NFATC3: variants seen among roughly 807,000 people sequenced by gnomAD.
NFATC3 encodes nuclear factor of activated T cells 3.
In NFATC3, 46 loss-of-function variants were observed where a neutral mutation model predicts 98.6. The observed-to-expected ratio is 0.47, with a 90% CI of 0.37 to 0.60. The LOEUF is 0.60. NFATC3 is among the 20% of genes least tolerant of loss of function. The pLI is 0.00. For synonymous variants in NFATC3, 512 were observed against 472.2 expected, an observed-to-expected ratio of 1.08 and a Z score of -1.09; for missense variants, 1,256 against 1,295.5, an observed-to-expected ratio of 0.97 and a Z score of 0.47.
chr16:68,143,889 A>G (rs1598436565), intron 3 of NFATC3, among the ~76,000 whole-genome samples: 2 of 152,166 alleles, frequency 1.3e-5, no homozygotes, highest in African/African-American at 4.8e-5. Context: ...GCATAAAAGT[A>G]TAAAACTTTT....
intron 5 of NFATC3, among the ~76,000 whole-genome samples, chr16:68,172,804 T>G (rs1392573843): frequency 1.3e-5 from 2 of 152,024 alleles, no homozygotes; most frequent in African/African-American, 4.8e-5. Flanking sequence ...AAAACAACCG[T>G]TAGAGAACCT....
chr16:68,183,310 A>G lies in NFATC3; in HGVS notation c.2042A>G (p.Tyr681Cys), dbSNP rs1195831729. The G allele has an allele frequency of 2.5e-6, 4 of 1,613,540 alleles. No homozygotes were observed. The highest frequency in any genetic ancestry group is 3.4e-6 in the Non-Finnish European group (4 of 1,179,890). ...ACAGCTGCAGTGCAGGTGCACTTTT[A>G]TCTTTGCAATGGCAAGAGGAAAAAA... is the stretch of plus-strand genomic sequence containing the variant. ...AVTAAVQVHFYLCNGKRKKSQ... is the reference protein window; with the variant it reads ...AVTAAVQVHFCLCNGKRKKSQ... Residue 681 changes from tyrosine (Y) to cysteine (C), a missense_variant, in exon 8 of 10, where the codon TAT becomes TGT. Tyr to Cys is a radical substitution (Grantham distance 194, BLOSUM62 -2). This residue lies in a region of NFATC3 where 636 missense variants were observed against 617.3 expected (regional missense o/e 1.03). Transcript: ENST00000346183.
intron 2 of NFATC3, among the ~76,000 whole-genome samples, chr16:68,125,676 G>A (rs2036799059): frequency 6.6e-6 from 1 of 152,124 alleles, no homozygotes; most frequent in Non-Finnish European, 1.5e-5. Context: ...AGAGAGAGAT[G>A]TTTGGATATG....
chr16:68,130,999 A>C (rs1411678814), intron 3 of NFATC3, among the ~76,000 whole-genome samples: 1 of 151,968 alleles, frequency 6.6e-6, no homozygotes, highest in Admixed American at 6.6e-5. Context: ...CTGTCACATG[A>C]GTCTGTGTGT....
At chr16:68,174,700 G>T (rs191857881) in intron 6 of NFATC3, among the ~76,000 whole-genome samples, 186 bp downstream of exon 6, 1 of 152,092 alleles carries the variant, frequency 6.6e-6, no homozygotes, top group Non-Finnish European at 1.5e-5. Context: ...TATCTTTAAG[G>T]AGCTGGGCAT....
chr16:68,174,423 C>T lies in NFATC3; in HGVS notation c.1824C>T (p.Asn608=), dbSNP rs1272016937. The T allele has an allele frequency of 1.9e-6, 3 of 1,604,114 alleles. No homozygotes were observed. The South Asian group carries it at 3.4e-5, about 18-fold the overall frequency. The part of the protein sequence containing the change: ...ELPHIEKYSI[N]SCSVNGGHEM... ...CTCATATTGAGAAGTACAGTATCAA[C>T]AGTTGTTCTGTAAATGGAGGTCATG... The change falls in exon 6 of 10, where the codon AAC becomes AAT. Residue 608 remains asparagine (N), a synonymous_variant. Coordinates refer to ENST00000346183, the MANE Select transcript of NFATC3 (RefSeq NM_173165.3).
At chr16:68,154,447 TCTTAA>T (rs1181518890) in intron 3 of NFATC3, among the ~76,000 whole-genome samples, 5 of 152,348 alleles carry the variant, frequency 3.3e-5, no homozygotes, top group South Asian at 2.1e-4. Context: ...GCCTCAGCCC[TCTTAA>T]CTTGTTTCCA....
In NFATC3 at chr16:68,228,792, C is replaced by G. The variant is rs1057067164; in HGVS notation, c.*2321C>G. ...ACGTGCTAGTACGCACCCCCTCCTA[C>G]TCTAACTGTGCTAGCTCTTGGGTTG... On this transcript the variant is annotated 3_prime_UTR_variant, in exon 10 of 10. Coordinates refer to ENST00000346183, the MANE Select transcript of NFATC3 (RefSeq NM_173165.3). 1 of 152,626 alleles carries G rather than the reference C, an allele frequency of 6.6e-6. No individual in the cohort carries two copies. The highest frequency in any genetic ancestry group is 1.5e-5 in the Non-Finnish European group (1 of 68,030). 9.5% of individuals were successfully genotyped at this position (152,626 alleles called of 1,614,324 possible).
intron 1 of NFATC3, among the ~76,000 whole-genome samples, chr16:68,118,203 A>C (rs2151494274): frequency 1.3e-5 from 2 of 152,254 alleles, no homozygotes; most frequent in Middle Eastern, 6.8e-3. Context: ...TTCAGGTTTT[A>C]GCTTACATGC....
At chr16:68,200,790 A>C (rs1214198614) in intron 9 of NFATC3, 1 of 152,158 alleles carries the variant, frequency 6.6e-6, no homozygotes, top group Non-Finnish European at 1.5e-5. Context: ...AATTTTACTC[A>C]TATTTACAAT....
At chr16:68,151,898 G>A (rs1271276612) in intron 3 of NFATC3, among the ~76,000 whole-genome samples, 1 of 151,006 alleles carries the variant, frequency 6.6e-6, no homozygotes, top group Admixed American at 6.6e-5. Flanking sequence ...GTGAAACCCC[G>A]TCTCTACTAA....
At chr16:68,088,494 T>TAA (rs536640912) in intron 1 of NFATC3, among the ~76,000 whole-genome samples, 4 of 131,388 alleles carry the variant, frequency 3.0e-5, no homozygotes, top group East Asian at 2.2e-4. Flanking sequence ...ATATAATATA[T>TAA]ATTTTATATA....
intron 3 of NFATC3, among the ~76,000 whole-genome samples, chr16:68,147,622 G>A (rs2038101977): frequency 1.3e-5 from 2 of 152,142 alleles, no homozygotes; most frequent in African/African-American, 2.4e-5. Context: ...AGTTGGTCAT[G>A]TAGAATAATT....
chr16:68,221,583 T>C, intron 9 of NFATC3: 2 of 1,098,458 alleles, frequency 1.8e-6, no homozygotes, highest in Non-Finnish European at 2.2e-6. Context: ...GAAAACAAGA[T>C]AGAGAAAGTC....
At position 68,112,399 on chromosome 16, in the gene NFATC3, G is replaced by A. The variant is rs183037968; in HGVS notation, c.104-9588G>A. Among the ~76,000 whole-genome samples the A allele has an allele frequency of 1.8e-4, 25 of 141,784 alleles. No homozygotes were observed. The South Asian group carries it at 2.9e-3, about 17-fold the overall frequency. The allele number at this position is 141,784 out of a possible 152,430, so 93.0% of individuals were successfully genotyped here. On this transcript the variant is annotated intron_variant, in intron 1 of 9. Transcript: ENST00000346183. ...TTCAAGCGATCCTTCTGCCTCAGCCGCCCGAGTAGCTGGGACTACAGGCAC... is the reference window on the plus strand; with the variant it reads ...TTCAAGCGATCCTTCTGCCTCAGCCACCCGAGTAGCTGGGACTACAGGCAC...
chr16:68,102,420 C>G (rs1357069027), intron 1 of NFATC3, among the ~76,000 whole-genome samples: 1 of 147,254 alleles, frequency 6.8e-6, no homozygotes, highest in Non-Finnish European at 1.5e-5. Context: ...TCTCCCCTCA[C>G]ACTTAATTTT....
chr16:68,158,120 A>C lies in NFATC3; in HGVS notation c.1601+52A>C, dbSNP rs767393910. 1.2e-5 allele frequency: 14 copies of C among 1,136,438 alleles called. No individual in the cohort carries two copies. The South Asian group carries it at 2.3e-4, about 18-fold the overall frequency. The allele number at this position is 1,136,438 out of a possible 1,614,324, so 70.4% of individuals were successfully genotyped here. On this transcript the variant is annotated intron_variant, in intron 4 of 9. Coordinates refer to ENST00000346183, the MANE Select transcript of NFATC3 (RefSeq NM_173165.3). Reference sequence around the variant, plus strand: ...CAGTTCTTTTTTTCTCTATACTTTCAGAAAAAAAGTAAATATATTTTTGAA... The same window carrying C: ...CAGTTCTTTTTTTCTCTATACTTTCCGAAAAAAAGTAAATATATTTTTGAA...
intron 8 of NFATC3, among the ~76,000 whole-genome samples, chr16:68,184,304 G>A (rs1471202264): frequency 6.6e-6 from 1 of 151,396 alleles, no homozygotes; most frequent in African/African-American, 2.4e-5. Context: ...GAGGGGAGAA[G>A]GAACAGAAGG....
chr16:68,218,635 C>T (rs1567555236), intron 9 of NFATC3, among the ~76,000 whole-genome samples: 2 of 148,014 alleles, frequency 1.4e-5, no homozygotes, highest in Admixed American at 1.3e-4. Context: ...GTGCAGTGTG[C>T]GATCTTGGCT....
Sources: gnomAD v4.1 joint callset for allele counts (sites outside exome capture counted in the v4.1 genomes callset) on GRCh38, gnomAD v4.1.1 for gene constraint, gnomAD v4.1.1 regional missense constraint, MANE v1.5 for transcripts, NCBI Gene and HGNC (gene_info 2026-07-23, HGNC 2026-07-21) for gene names.